Variants in MACROD2 observed in about 807,000 individuals in gnomAD.
MACROD2 encodes the protein mono-ADP ribosylhydrolase 2.
A neutral mutation model predicts 70.4 loss-of-function variants in MACROD2; 36 were observed. The observed-to-expected ratio is 0.51, with a 90% CI of 0.39 to 0.68. The LOEUF is 0.68. Ranked by LOEUF, MACROD2 falls within the 30% of genes least tolerant of loss-of-function variation. The pLI is 0.00. For synonymous variants in MACROD2, 172 were observed against 178.8 expected (o/e 0.96, Z 0.30); for missense variants, 496 against 538.4 (o/e 0.92, Z 0.78).
At chr20:15,250,208 A>G (rs2077142901) in intron 6 of MACROD2, among the ~76,000 whole-genome samples, 6 of 152,152 alleles carry the variant, frequency 3.9e-5, no homozygotes, top group Admixed American at 3.9e-4. Context: ...TACACCACAC[A>G]GCTTAAGGTG....
chr20:14,286,292 G>A (rs1248078014), intron 3 of MACROD2, among the ~76,000 whole-genome samples: 2 of 151,996 alleles, frequency 1.3e-5, no homozygotes, highest in Non-Finnish European at 2.9e-5. Context: ...TAGCATTTCT[G>A]TGCTTTAGTT....
intron 5 of MACROD2, among the ~76,000 whole-genome samples, chr20:15,058,644 C>T (rs1037212474): frequency 1.3e-5 from 2 of 152,152 alleles, no homozygotes; most frequent in African/African-American, 2.4e-5. Context: ...TTTAATTATG[C>T]TATGCTCTAC....
intron 3 of MACROD2, among the ~76,000 whole-genome samples, chr20:14,476,699 C>T (rs2084599260): frequency 6.6e-6 from 1 of 152,170 alleles, no homozygotes; most frequent in South Asian, 2.1e-4. Context: ...TCAGTTGGTA[C>T]TGATTCTGCC....
At chr20:15,865,702 CA>C (rs2064483188) in intron 9 of MACROD2, among the ~76,000 whole-genome samples, 1 of 152,100 alleles carries the variant, frequency 6.6e-6, no homozygotes, top group Non-Finnish European at 1.5e-5. Context: ...CCAAAATGCA[CA>C]AAACAGAAGG....
chr20:15,946,749 C>A (rs570734887), intron 12 of MACROD2, among the ~76,000 whole-genome samples: 1 of 152,100 alleles, frequency 6.6e-6, no homozygotes, highest in Non-Finnish European at 1.5e-5. Context: ...GACACAGAGA[C>A]AAAGTATAGA....
At chr20:16,043,102 G>C (rs2067329683) in intron 16 of MACROD2, among the ~76,000 whole-genome samples, 1 of 152,030 alleles carries the variant, frequency 6.6e-6, no homozygotes, top group South Asian at 2.1e-4. Context: ...TGTTTGGCAG[G>C]CTCAAAGGCG....
At chr20:14,511,217 T>C (rs2085026012) in intron 4 of MACROD2, among the ~76,000 whole-genome samples, 1 of 152,080 alleles carries the variant, frequency 6.6e-6, no homozygotes, top group South Asian at 2.1e-4. Flanking sequence ...GGTTATTTTT[T>C]TGAGTAAGAA....
intron 5 of MACROD2, among the ~76,000 whole-genome samples, chr20:14,854,022 A>G (rs998721850): frequency 1.3e-5 from 2 of 152,096 alleles, no homozygotes; most frequent in Non-Finnish European, 2.9e-5. Context: ...ATCCTGGGGC[A>G]ATTAGGTCAG....
intron 6 of MACROD2, among the ~76,000 whole-genome samples, chr20:15,349,657 A>G (rs548491708): frequency 1.4e-4 from 21 of 151,524 alleles, no homozygotes; most frequent in African/African-American, 4.6e-4. Flanking sequence ...TCAGGAGGCT[A>G]AGGCAGGAGA....
intron 6 of MACROD2, among the ~76,000 whole-genome samples, chr20:15,264,470 G>C (rs925104172): frequency 6.6e-6 from 1 of 152,084 alleles, no homozygotes; most frequent in Admixed American, 6.6e-5. Flanking sequence ...ATACACATGA[G>C]GTCCCACAGA....
intron 3 of MACROD2, among the ~76,000 whole-genome samples, chr20:14,465,741 T>C (rs2123030914): frequency 1.3e-5 from 2 of 152,250 alleles, no homozygotes; most frequent in Admixed American, 1.3e-4. Context: ...GGTGACAAAA[T>C]CTCTCAGCAT....
At chr20:15,851,654 A>T (rs175804) in intron 8 of MACROD2, among the ~76,000 whole-genome samples, 133,179 of 152,182 alleles carry the variant, frequency 0.88, 58,414 homozygotes, top group East Asian at 1. Context: ...ATGACTGAAT[A>T]TGGAGGAGAC....
At chr20:15,813,130 C>CACCA (rs2063837342) in intron 8 of MACROD2, among the ~76,000 whole-genome samples, 3 of 152,064 alleles carry the variant, frequency 2.0e-5, no homozygotes, top group Admixed American at 1.3e-4. Flanking sequence ...CATTAGCATG[C>CACCA]ACCAACCCCT....
At chr20:15,374,678 G>A (rs935241278) in intron 6 of MACROD2, among the ~76,000 whole-genome samples, 1 of 152,148 alleles carries the variant, frequency 6.6e-6, no homozygotes, top group East Asian at 1.9e-4. Context: ...GAGCAAGAAA[G>A]AGATGTTTTC....
At chr20:15,729,102 A>G (rs903236029) in intron 8 of MACROD2, among the ~76,000 whole-genome samples, 1 of 152,168 alleles carries the variant, frequency 6.6e-6, no homozygotes, top group Non-Finnish European at 1.5e-5. Context: ...ATTAGTTTCA[A>G]AGAGTTTCTT....
At chr20:14,479,927 A>T (rs2084643483) in intron 3 of MACROD2, among the ~76,000 whole-genome samples, 1 of 152,134 alleles carries the variant, frequency 6.6e-6, no homozygotes, top group African/African-American at 2.4e-5. Flanking sequence ...CCCAGGATGG[A>T]GTTCAATGGC....
intron 4 of MACROD2, among the ~76,000 whole-genome samples, chr20:14,622,258 C>T (rs913295886): frequency 2.6e-5 from 4 of 151,946 alleles, no homozygotes; most frequent in African/African-American, 7.3e-5. Flanking sequence ...AGAAAGAAGT[C>T]CATATGCACT....
chr20:14,668,592 A>C (rs917481828), intron 4 of MACROD2, among the ~76,000 whole-genome samples: 3 of 152,152 alleles, frequency 2.0e-5, no homozygotes, highest in Non-Finnish European at 2.9e-5. Context: ...ATAGTTCTAT[A>C]ATTAATTTTT....
chr20:15,419,565 C>A (rs1332883012), intron 6 of MACROD2, among the ~76,000 whole-genome samples: 1 of 152,202 alleles, frequency 6.6e-6, no homozygotes, highest in Non-Finnish European at 1.5e-5. Flanking sequence ...TCATTTAAAC[C>A]TCTTCTTCAG....
Sources: gnomAD v4.1 joint callset for allele counts (sites outside exome capture counted in the v4.1 genomes callset) on GRCh38, gnomAD v4.1.1 for gene constraint, MANE v1.5 for transcripts, NCBI Gene and HGNC (gene_info 2026-07-23, HGNC 2026-07-21) for gene names.